METTL8: variants seen among roughly 807,000 people sequenced by gnomAD.
METTL8 encodes methyltransferase 8, tRNA N3-cytidine, also known as tRNA N(3)-cytidine methyltransferase METTL8, mitochondrial.
Under a neutral mutation model 48.7 loss-of-function variants are expected in METTL8, and 32 were observed. The ratio of observed to expected loss-of-function variants is 0.66; its 90% CI spans 0.50 to 0.88. The LOEUF is 0.88. Ranked by LOEUF, METTL8 falls within the 40% of genes least tolerant of loss-of-function variation. METTL8 has a pLI of 0.00. For synonymous variants in METTL8, 136 were observed against 157.1 expected, an observed-to-expected ratio of 0.87 and a Z score of 1.01; for missense variants, 464 against 474.4, an observed-to-expected ratio of 0.98 and a Z score of 0.20.
chr2:171,357,074 C>T (rs1227116349), intron 3 of METTL8, among the ~76,000 whole-genome samples: 3 of 150,988 alleles, frequency 2.0e-5, no homozygotes, highest in African/African-American at 7.3e-5. Context: ...TCTCCCACCT[C>T]AGCCTCCTGA....
At position 171,351,395 on chromosome 2, in the gene METTL8, G is replaced by T. The variant is rs545598314; in HGVS notation, c.235+9027C>A. 1.4e-3 allele frequency among the ~76,000 whole-genome samples: 215 copies of T among 152,290 alleles called. 1 individual carries two copies. Among genetic ancestry groups the T allele is most frequent in the Non-Finnish European group, 2.5e-3 (172 of 68,036 alleles). On this transcript the variant is annotated intron_variant, in intron 3 of 9. Transcript: ENST00000375258. ...GTAGTATAGTTTGAAGTCAGGTAGC[G>T]TGATGCCTCCAGGTTTGCTCTTTTT... is the stretch of plus-strand genomic sequence containing the variant.
chr2:171,355,871 C>T (rs1684480187), intron 3 of METTL8, among the ~76,000 whole-genome samples: 1 of 152,190 alleles, frequency 6.6e-6, no homozygotes, highest in Non-Finnish European at 1.5e-5. Flanking sequence ...TCTGTCACCA[C>T]TTCCTTTGGC....
intron 3 of METTL8, among the ~76,000 whole-genome samples, chr2:171,345,823 G>GT (rs1687211985): frequency 6.6e-6 from 1 of 152,064 alleles, no homozygotes; most frequent in Non-Finnish European, 1.5e-5. Flanking sequence ...CACTGGAGAT[G>GT]TTTTTTAGGA....
chr2:171,414,052 C>A lies in METTL8; in HGVS notation c.-13+19831G>T, dbSNP rs956131630. 5.3e-5 allele frequency among the ~76,000 whole-genome samples: 8 copies of A among 152,128 alleles called. 1 individual carries two copies. Among genetic ancestry groups the A allele is most frequent in the African/African-American group, 1.9e-4 (8 of 41,502 alleles). The stretch of plus-strand genomic sequence containing the variant: ...TATATTACACTGAAAAACTACAATA[C>A]AAATATTAATTTTTAGAAGACTGAC... On this transcript the variant is annotated intron_variant, in intron 1 of 9. Transcript: ENST00000375258.
chr2:171,355,349 C>T (rs1334932005), intron 3 of METTL8, among the ~76,000 whole-genome samples: 1 of 152,118 alleles, frequency 6.6e-6, no homozygotes, highest in Non-Finnish European at 1.5e-5. Context: ...CAGAGGGGTA[C>T]CTGTCCGTAT....
chr2:171,345,231 C>G (rs563398459), intron 3 of METTL8, among the ~76,000 whole-genome samples: 1 of 152,248 alleles, frequency 6.6e-6, no homozygotes, highest in Non-Finnish European at 1.5e-5. Flanking sequence ...GGAATATGCA[C>G]GCTAACCATC....
chr2:171,324,129 A>G lies in METTL8; in HGVS notation c.*43T>C. ...ACAATAGACTTACAGTAGTCCTTGA[A>G]TAGCACAGTCCTCTGGCTTTGTACC... is the stretch of plus-strand genomic sequence containing the variant. On this transcript the variant is annotated 3_prime_UTR_variant, in exon 10 of 10. Transcript: ENST00000375258. The G allele has an allele frequency of 7.3e-7, 1 of 1,364,324 alleles. No individual in the cohort carries two copies. The highest frequency in any genetic ancestry group is 1.4e-5 in the South Asian group (1 of 72,944). The allele number at this position is 1,364,324 out of a possible 1,614,324, so 84.5% of individuals were successfully genotyped here.
chr2:171,399,290 A>C (rs923257893), intron 1 of METTL8, among the ~76,000 whole-genome samples: 3 of 152,202 alleles, frequency 2.0e-5, no homozygotes, highest in Non-Finnish European at 4.4e-5. Flanking sequence ...CAGTGTCATT[A>C]AAAATTGCAT....
At position 171,321,737 on chromosome 2, in the gene METTL8, T is replaced by C. The variant is rs1684530894; in HGVS notation, c.*2435A>G. 1 of 152,206 alleles carries C rather than the reference T, an allele frequency of 6.6e-6. No individual in the cohort carries two copies. Among genetic ancestry groups the C allele is most frequent in the South Asian group, 2.1e-4 (1 of 4,830 alleles). The allele number at this position is 152,206 out of a possible 1,614,324, so 9.4% of individuals were successfully genotyped here. A position where few individuals can be genotyped will look rare whatever the true frequency, so the allele number is the denominator to read the frequency against. ...TAGATCATGATTTACAGGTTTGGGATATGCACATTTTGTTTTGCCAGCTGT... is the reference window on the plus strand; with the variant it reads ...TAGATCATGATTTACAGGTTTGGGACATGCACATTTTGTTTTGCCAGCTGT... On this transcript the variant is annotated 3_prime_UTR_variant, in exon 10 of 10. Coordinates refer to ENST00000375258, the MANE Select transcript of METTL8 (RefSeq NM_001321154.2).
intron 3 of METTL8, among the ~76,000 whole-genome samples, chr2:171,359,734 T>C (rs1003140072): frequency 1.3e-5 from 2 of 152,038 alleles, no homozygotes; most frequent in African/African-American, 2.4e-5. Context: ...TGCCTCAGCC[T>C]CCTGAGTAGC....
intron 3 of METTL8, among the ~76,000 whole-genome samples, chr2:171,357,126 T>A (rs1462413513): frequency 6.6e-6 from 1 of 151,460 alleles, no homozygotes; most frequent in Non-Finnish European, 1.5e-5. Context: ...CCCAGCTAAT[T>A]TTTTGTATTT....
At chr2:171,343,568 T>C (rs931391968) in intron 3 of METTL8, among the ~76,000 whole-genome samples, 2 of 152,248 alleles carry the variant, frequency 1.3e-5, no homozygotes, top group African/African-American at 4.8e-5. Flanking sequence ...TTCATAACAA[T>C]AAGTTGAAAA....
chr2:171,416,333 G>GA (rs1691314009), intron 1 of METTL8, among the ~76,000 whole-genome samples: 1 of 152,206 alleles, frequency 6.6e-6, no homozygotes, highest in Non-Finnish European at 1.5e-5. Context: ...ATATCACAGG[G>GA]ATTCACCTTT....
intron 1 of METTL8, among the ~76,000 whole-genome samples, chr2:171,410,964 C>A (rs1316523963): frequency 6.6e-6 from 1 of 152,122 alleles, no homozygotes; most frequent in African/African-American, 2.4e-5. Context: ...CCAAAGTTAT[C>A]TGGAAATATG....
chr2:171,434,768 G>T, upstream of METTL8: 1 of 1,390,866 alleles, frequency 7.2e-7, no homozygotes, highest in Non-Finnish European at 9.2e-7. Flanking sequence ...GCCTCCTGCG[G>T]GGATGCGGTT....
intron 5 of METTL8, among the ~76,000 whole-genome samples, chr2:171,334,812 T>C (rs1484733066): frequency 6.6e-6 from 1 of 152,076 alleles, no homozygotes; most frequent in Non-Finnish European, 1.5e-5. Flanking sequence ...AAAATACAAC[T>C]AGCAAGTGGG....
intron 2 of METTL8, among the ~76,000 whole-genome samples, chr2:171,381,359 G>A (rs1033525844): frequency 1.3e-5 from 2 of 152,112 alleles, no homozygotes; most frequent in African/African-American, 4.8e-5. Flanking sequence ...AAGACTTCAC[G>A]ACAAAAACAC....
chr2:171,358,707 A>G (rs1684845627), intron 3 of METTL8, among the ~76,000 whole-genome samples: 1 of 143,982 alleles, frequency 6.9e-6, no homozygotes, highest in African/African-American at 2.4e-5. Context: ...TGAAATTACT[A>G]GAAGAAAACA....
chr2:171,382,454 A>T (rs889632431), intron 2 of METTL8, among the ~76,000 whole-genome samples: 8 of 152,218 alleles, frequency 5.3e-5, no homozygotes, highest in Admixed American at 3.9e-4. Flanking sequence ...TAACGCAGGA[A>T]TAGAAAACCA....
Sources: allele counts gnomAD v4.1 joint callset (sites outside exome capture counted in the v4.1 genomes callset), GRCh38; gene constraint gnomAD v4.1.1; transcripts MANE v1.5; gene names NCBI Gene and HGNC (gene_info 2026-07-23, HGNC 2026-07-21).